SCUBE1: variants seen among roughly 807,000 people sequenced by gnomAD.
SCUBE1 encodes the protein signal peptide, CUB domain and EGF like domain containing 1, also known as signal peptide, CUB and EGF-like domain-containing protein 1.
Under a neutral mutation model 124.4 loss-of-function variants are expected in SCUBE1, and 59 were observed. That is an observed-to-expected ratio of 0.47 (90% CI 0.38 to 0.59). The LOEUF is 0.59. Ranked by LOEUF, SCUBE1 falls within the 20% of genes least tolerant of loss-of-function variation. The pLI, the probability that SCUBE1 is intolerant of heterozygous loss-of-function variation, is 0.00. For synonymous variants in SCUBE1, 545 were observed against 550.9 expected, an observed-to-expected ratio of 0.99 and a Z score of 0.15; for missense variants, 1,150 against 1,371.2, an observed-to-expected ratio of 0.84 and a Z score of 2.55.
rs554514310 is a variant in SCUBE1 at position 43,263,793 on chromosome 22, G to A, written c.485-948C>T. Among the ~76,000 whole-genome samples the A allele has an allele frequency of 1.4e-4, 21 of 152,308 alleles. No homozygotes were observed. The East Asian group carries it at 4.0e-3, about 29-fold the overall frequency. ...AACTCCTGGTTTCACCTGATTTTGC[G>A]ACTCATATTTCCTCACCTTGATTTT... On this transcript the variant is annotated intron_variant, in intron 4 of 21. Coordinates refer to ENST00000360835, the MANE Select transcript of SCUBE1 (RefSeq NM_173050.5).
intron 3 of SCUBE1, among the ~76,000 whole-genome samples, chr22:43,319,274 G>A (rs866868265): frequency 1.3e-5 from 2 of 152,050 alleles, no homozygotes; most frequent in Non-Finnish European, 2.9e-5. Flanking sequence ...TTAGGGCCAG[G>A]CGCAGTGGCT....
At chr22:43,305,096 T>C (rs911807033) in intron 3 of SCUBE1, among the ~76,000 whole-genome samples, 3 of 152,148 alleles carry the variant, frequency 2.0e-5, no homozygotes, top group African/African-American at 7.2e-5. Flanking sequence ...CATTCCATCT[T>C]GGCGACGTGA....
chr22:43,240,979 A>C (rs4822265), intron 6 of SCUBE1, among the ~76,000 whole-genome samples: 106,676 of 151,940 alleles, frequency 0.7, 38,494 homozygotes, highest in African/African-American at 0.84. Flanking sequence ...GAGACAGGCA[A>C]TGAAAACTCA....
intron 4 of SCUBE1, among the ~76,000 whole-genome samples, chr22:43,281,563 CAGCCACCCTCCTGTCACCTCCCTT>C (rs1924902239): frequency 5.8e-5 from 8 of 137,712 alleles, no homozygotes; most frequent in African/African-American, 1.6e-4. Flanking sequence ...ACCTCCCCCT[CAGCCACCCTCCTGTCACCTCCCTT>C]CTCAGCCACC....
At position 43,223,178 on chromosome 22, in the gene SCUBE1, G is replaced by A. The variant is rs776980765; in HGVS notation, c.1246C>T (p.Arg416Trp). Residue 416 changes from arginine to tryptophan, a missense_variant, in exon 11 of 22, where the codon CGG (arginine) becomes TGG (tryptophan). Physicochemically the swap from Arg to Trp is moderately radical, Grantham distance 101. Coordinates refer to ENST00000360835, the MANE Select transcript of SCUBE1 (RefSeq NM_173050.5). ...KCLSRAKTSPRAQLSCSKAGG... is the reference protein window; with the variant it reads ...KCLSRAKTSPWAQLSCSKAGG... Reference sequence around the variant, plus strand: ...GCCTTGCTGCAGGACAGCTGGGCCCGGGGGGAGGTCTTGGCGCGAGAAAGA... The same window carrying A: ...GCCTTGCTGCAGGACAGCTGGGCCCAGGGGGAGGTCTTGGCGCGAGAAAGA... The A allele has an allele frequency of 3.6e-5, 56 of 1,569,856 alleles. No individual in the cohort carries two copies. Among genetic ancestry groups the A allele is most frequent in the Middle Eastern group, 1.7e-4 (1 of 5,936 alleles).
intron 6 of SCUBE1, among the ~76,000 whole-genome samples, chr22:43,240,865 C>A (rs747506102): frequency 6.6e-6 from 1 of 152,126 alleles, no homozygotes; most frequent in South Asian, 2.1e-4. Context: ...GGAGAGCCCC[C>A]CTCTGGAGAG....
chr22:43,291,137 G>C lies in SCUBE1; in HGVS notation c.393C>G (p.Ile131Met). The C allele has an allele frequency of 1.2e-6, 2 of 1,613,350 alleles. No homozygotes were observed. The highest frequency in any genetic ancestry group is 1.7e-6 in the Non-Finnish European group (2 of 1,179,354). Residue 131 changes from isoleucine to methionine, a missense_variant, in exon 4 of 22, where the codon ATC (isoleucine) becomes ATG (methionine). Ile to Met is a conservative substitution (Grantham distance 10, BLOSUM62 1). This residue lies in a region of SCUBE1 where 337 missense variants were observed against 482.1 expected (regional missense o/e 0.70). Coordinates refer to ENST00000360835, the MANE Select transcript of SCUBE1 (RefSeq NM_173050.5). ...CQDNNGGCQQ[I>M]CVNAMGSYEC... ...CGTAGCTGCCCATGGCATTGACGCA[G>C]ATCTGCTGGCAGCCACCATTATTGT...
At chr22:43,298,519 G>A (rs1453900823) in intron 3 of SCUBE1, among the ~76,000 whole-genome samples, 1 of 152,208 alleles carries the variant, frequency 6.6e-6, no homozygotes, top group Non-Finnish European at 1.5e-5. Context: ...GAAGGCAGAG[G>A]TGGTGAAGCC....
In SCUBE1 at chr22:43,231,746, G is replaced by A; in HGVS notation, c.967+7C>T. ...CGAGAGCCACCCGGGGCATGGCAGG[G>A]GCTCACCCTGGCAGGTGCGCTCGTC... On this transcript the variant is annotated splice_region_variant and intron_variant, in intron 8 of 21. Coordinates refer to ENST00000360835, the MANE Select transcript of SCUBE1 (RefSeq NM_173050.5). 6.3e-7 allele frequency: 1 copy of A among 1,574,966 alleles called. No individual in the cohort carries two copies. Among genetic ancestry groups the A allele is most frequent in the Non-Finnish European group, 8.6e-7 (1 of 1,160,910 alleles).
At position 43,201,310 on chromosome 22, in the gene SCUBE1, A is replaced by AGG. The variant is rs796287791; in HGVS notation, c.*2686_*2687insCC. ...CAGAGCGAGACTCCATCTCAAAAAA[A>AGG]AAAAAAAAAAAAAAAAAGAAAACAA... is the stretch of plus-strand genomic sequence containing the variant. On this transcript the variant is annotated 3_prime_UTR_variant, in exon 22 of 22. Coordinates refer to ENST00000360835, the MANE Select transcript of SCUBE1 (RefSeq NM_173050.5). The AGG allele has an allele frequency of 6.1e-5, 9 of 146,580 alleles. No homozygotes were observed. Among genetic ancestry groups the AGG allele is most frequent in the African/African-American group, 2.3e-4 (9 of 38,866 alleles). 9.1% of individuals were successfully genotyped at this position (146,580 alleles called of 1,614,324 possible).
At chr22:43,218,717 C>G (rs774881900) in intron 14 of SCUBE1, among the ~76,000 whole-genome samples, 2 of 152,212 alleles carry the variant, frequency 1.3e-5, no homozygotes, top group South Asian at 2.1e-4. Flanking sequence ...CACCACATCA[C>G]CCCCCAGGGT....
intron 3 of SCUBE1, among the ~76,000 whole-genome samples, chr22:43,309,990 G>A (rs1926112361): frequency 6.6e-6 from 1 of 152,192 alleles, no homozygotes; most frequent in African/African-American, 2.4e-5. Context: ...TCAGCAGCCA[G>A]AAGCGCTTTT....
At chr22:43,236,459 C>T (rs906298863) in intron 7 of SCUBE1, among the ~76,000 whole-genome samples, 1 of 152,236 alleles carries the variant, frequency 6.6e-6, no homozygotes, top group Non-Finnish European at 1.5e-5. Flanking sequence ...GTTGGTCTTC[C>T]AGACCCTACT....
At chr22:43,246,043 T>C (rs1184479592) in intron 6 of SCUBE1, among the ~76,000 whole-genome samples, 1 of 151,908 alleles carries the variant, frequency 6.6e-6, no homozygotes, top group African/African-American at 2.4e-5. Context: ...GCACCAGGTG[T>C]ATGGAAGATG....
At chr22:43,305,445 G>C (rs1471684337) in intron 3 of SCUBE1, among the ~76,000 whole-genome samples, 4 of 152,180 alleles carry the variant, frequency 2.6e-5, no homozygotes, top group Non-Finnish European at 5.9e-5. Flanking sequence ...CCTCTGCCCG[G>C]GGGGCTGGGG....
rs1284001343 is a variant in SCUBE1 at position 43,220,548 on chromosome 22, G to T, written c.1589C>A (p.Ser530Tyr). Residue 530 changes from serine to tyrosine, a missense_variant, in exon 14 of 22, where the codon TCC becomes TAC. Ser to Tyr is a moderately radical substitution (Grantham distance 144). Transcript: ENST00000360835. Reference sequence around the variant, plus strand: ...GCGGCCACGGCGCCTCTTCTTGGAGGAGTCACACTTGAGGGTCACGAAAGT... The same window carrying T: ...GCGGCCACGGCGCCTCTTCTTGGAGTAGTCACACTTGAGGGTCACGAAAGT... The part of the protein sequence containing the change: ...HVTFVTLKCD[S>Y]SKKRRRGRKS... The T allele has an allele frequency of 6.2e-7, 1 of 1,614,098 alleles. No homozygotes were observed. Among genetic ancestry groups the T allele is most frequent in the Admixed American group, 1.7e-5 (1 of 60,024 alleles).
chr22:43,235,541 G>A (rs1435448106), intron 7 of SCUBE1, among the ~76,000 whole-genome samples: 3 of 152,166 alleles, frequency 2.0e-5, no homozygotes, highest in African/African-American at 7.2e-5. Context: ...CCAGAGCACT[G>A]CAGAGGGGGA....
intron 3 of SCUBE1, among the ~76,000 whole-genome samples, chr22:43,296,726 T>C (rs1204036940): frequency 1.3e-5 from 2 of 152,218 alleles, no homozygotes; most frequent in African/African-American, 4.8e-5. Context: ...GTATCTGTGA[T>C]TGTGCCATCG....
At chr22:43,241,930 C>T (rs553633195) in intron 6 of SCUBE1, among the ~76,000 whole-genome samples, 1 of 152,264 alleles carries the variant, frequency 6.6e-6, no homozygotes, top group South Asian at 2.1e-4. Context: ...CTTGGGCCCG[C>T]CCTCACCTCT....
Sources: allele counts gnomAD v4.1 joint callset (sites outside exome capture counted in the v4.1 genomes callset), GRCh38; gene constraint gnomAD v4.1.1; regional missense constraint gnomAD v4.1.1; transcripts MANE v1.5; gene names NCBI Gene and HGNC (gene_info 2026-07-23, HGNC 2026-07-21).